SEMA3A: variants seen among roughly 807,000 people sequenced by gnomAD.
SEMA3A encodes the protein semaphorin-3A.
In SEMA3A, 29 loss-of-function variants were observed where a neutral mutation model predicts 97.9. The ratio of observed to expected loss-of-function variants is 0.30; its 90% CI spans 0.22 to 0.40. SEMA3A has a LOEUF of 0.40. Among genes scored for constraint, SEMA3A ranks in the 10% least tolerant of loss-of-function variants. SEMA3A has a pLI of 1.00. For synonymous variants in SEMA3A, 321 were observed against 323.7 expected (o/e 0.99, Z 0.09); for missense variants, 763 against 951.3 (o/e 0.80, Z 2.60).
chr7:84,051,761 G>A (rs1481800042), intron 5 of SEMA3A, among the ~76,000 whole-genome samples: 4 of 152,068 alleles, frequency 2.6e-5, no homozygotes, highest in African/African-American at 7.2e-5. Flanking sequence ...AATAGGAGTG[G>A]TGAGAGAGGG....
At chr7:84,085,891 C>T (rs192865725) in intron 4 of SEMA3A, among the ~76,000 whole-genome samples, 8 of 152,190 alleles carry the variant, frequency 5.3e-5, no homozygotes, top group East Asian at 3.9e-4. Flanking sequence ...TTCTGGAAGA[C>T]GGATGTACAA....
intron 1 of SEMA3A, among the ~76,000 whole-genome samples, chr7:84,434,983 A>C (rs1471876673): frequency 6.6e-6 from 1 of 152,190 alleles, no homozygotes; most frequent in Non-Finnish European, 1.5e-5. Context: ...CTGCTATTTA[A>C]CATAGTACTG....
At chr7:84,206,574 G>C (rs1029807056) in intron 3 of SEMA3A, among the ~76,000 whole-genome samples, 1 of 151,802 alleles carries the variant, frequency 6.6e-6, no homozygotes, top group African/African-American at 2.4e-5. Flanking sequence ...CGCCCGCCTC[G>C]GCCTCCCAAA....
At chr7:84,361,507 T>A (rs1035135379) in intron 2 of SEMA3A, among the ~76,000 whole-genome samples, 4 of 151,984 alleles carry the variant, frequency 2.6e-5, no homozygotes, top group Non-Finnish European at 5.9e-5. Context: ...AATATATCTA[T>A]CCTTATCGAA....
At chr7:84,315,308 C>A (rs905458193) in intron 2 of SEMA3A, among the ~76,000 whole-genome samples, 26 of 152,098 alleles carry the variant, frequency 1.7e-4, no homozygotes, top group African/African-American at 4.6e-4. Context: ...AATGACACTA[C>A]AACTGCAGGC....
intron 6 of SEMA3A, among the ~76,000 whole-genome samples, chr7:84,037,013 A>G (rs990656936): frequency 1.3e-5 from 2 of 152,154 alleles, no homozygotes; most frequent in Admixed American, 6.5e-5. Context: ...AAGATGATAC[A>G]TGTTTAATAT....
At chr7:84,417,250 T>C (rs1804461802) in intron 1 of SEMA3A, among the ~76,000 whole-genome samples, 1 of 152,082 alleles carries the variant, frequency 6.6e-6, no homozygotes, top group Admixed American at 6.6e-5. Flanking sequence ...AAAATGTAAA[T>C]GTAAAGTAAA....
rs554488630 is a variant in SEMA3A at position 84,459,957 on chromosome 7, G to A, written c.-246+32503C>T. Among the ~76,000 whole-genome samples the A allele has an allele frequency of 1.2e-4, 18 of 152,248 alleles. No homozygotes were observed. In the South Asian group the frequency reaches 3.3e-3, roughly 28 times the overall value. Reference sequence around the variant, plus strand: ...TGGGAAGATCGCTTGAGTCTGGGAGGTCAAGGCTGCAGTGAGCTGAGATAG... The same window carrying A: ...TGGGAAGATCGCTTGAGTCTGGGAGATCAAGGCTGCAGTGAGCTGAGATAG... On this transcript the variant is annotated intron_variant, in intron 1 of 3. Transcript: ENST00000424555.
intron 3 of SEMA3A, among the ~76,000 whole-genome samples, chr7:84,210,709 T>C (rs536257406): frequency 2.0e-5 from 3 of 152,260 alleles, no homozygotes; most frequent in Admixed American, 1.3e-4. Context: ...AGGAAGGCTA[T>C]GCAGGTTTTC....
chr7:84,413,850 A>G (rs1254868530), intron 1 of SEMA3A, among the ~76,000 whole-genome samples: 2 of 152,186 alleles, frequency 1.3e-5, no homozygotes, highest in African/African-American at 2.4e-5. Context: ...ACTAAGATTT[A>G]CAAATCATTT....
At chr7:84,275,901 T>A (rs1434007488) in intron 3 of SEMA3A, among the ~76,000 whole-genome samples, 1 of 152,144 alleles carries the variant, frequency 6.6e-6, no homozygotes, top group Non-Finnish European at 1.5e-5. Flanking sequence ...GGCATATAGA[T>A]ACATTAATTT....
chr7:84,436,395 A>G (rs1805131092), intron 1 of SEMA3A, among the ~76,000 whole-genome samples: 1 of 152,168 alleles, frequency 6.6e-6, no homozygotes, highest in Admixed American at 6.5e-5. Flanking sequence ...CAAACAGACA[A>G]CCTACACAAT....
chr7:84,288,229 G>T (rs1314987448), intron 3 of SEMA3A, among the ~76,000 whole-genome samples: 3 of 152,046 alleles, frequency 2.0e-5, no homozygotes, highest in Non-Finnish European at 4.4e-5. Flanking sequence ...GGGGCTACAG[G>T]TGTGGCCCAC....
intron 4 of SEMA3A, among the ~76,000 whole-genome samples, chr7:84,062,040 G>C (rs892538715): frequency 3.9e-5 from 6 of 152,020 alleles, no homozygotes; most frequent in Non-Finnish European, 8.8e-5. Flanking sequence ...GCACATGTAA[G>C]GATATTTAAC....
chr7:84,300,592 GA>G (rs1800986435), intron 3 of SEMA3A, among the ~76,000 whole-genome samples: 1 of 151,962 alleles, frequency 6.6e-6, no homozygotes, highest in Non-Finnish European at 1.5e-5. Flanking sequence ...ATGACTATAT[GA>G]ATGCCAGCTA....
chr7:84,370,347 G>T (rs1455568814), intron 2 of SEMA3A, among the ~76,000 whole-genome samples: 1 of 151,640 alleles, frequency 6.6e-6, no homozygotes, highest in Non-Finnish European at 1.5e-5. Context: ...CCTCATTAGA[G>T]AATGAGCAAT....
intron 2 of SEMA3A, among the ~76,000 whole-genome samples, chr7:84,332,612 C>A (rs1319685068): frequency 2.6e-5 from 4 of 151,854 alleles, no homozygotes; most frequent in Non-Finnish European, 5.9e-5. Flanking sequence ...AAGAACATAG[C>A]TTTAACATGT....
rs181495167 is a variant in SEMA3A, at chr7:84,436,720, C to T, written c.-246+55740G>A. Among the ~76,000 whole-genome samples, 3 of 152,190 alleles carry T rather than the reference C, an allele frequency of 2.0e-5. No individual in the cohort carries two copies. The East Asian group carries it at 5.8e-4, about 29-fold the overall frequency. ...TTGTGTTATTTTCTCATAAAACAAT[C>T]TATAAGATCATGTTTTGGTGGTAAG... On this transcript the variant is annotated intron_variant, in intron 1 of 3. Transcript: ENST00000424555.
intron 3 of SEMA3A, among the ~76,000 whole-genome samples, chr7:84,207,816 G>T (rs1455677084): frequency 6.6e-6 from 1 of 152,060 alleles, no homozygotes; most frequent in Non-Finnish European, 1.5e-5. Flanking sequence ...GGGTTTCCCT[G>T]CAATTGAGCT....
Sources: allele counts gnomAD v4.1 joint callset (sites outside exome capture counted in the v4.1 genomes callset), GRCh38; gene constraint gnomAD v4.1.1; transcripts MANE v1.5; gene names NCBI Gene and HGNC (gene_info 2026-07-23, HGNC 2026-07-21).